Variants in NVL observed in about 807,000 individuals in gnomAD.
The protein encoded by NVL is nuclear valosin-containing protein-like.
In NVL, 84 loss-of-function variants were observed where a neutral mutation model predicts 110.2. The observed-to-expected ratio is 0.76, with a 90% CI of 0.64 to 0.91. The LOEUF is 0.91. Among genes scored for constraint, NVL ranks in the 40% least tolerant of loss-of-function variants. The pLI, the probability that NVL is intolerant of heterozygous loss-of-function variation, is 0.00. For missense variants in NVL, 882 were observed against 1,035.9 expected (o/e 0.85, Z 2.04); for synonymous variants, 354 against 361.1 (o/e 0.98, Z 0.22).
chr1:224,280,714 G>T (rs1459288661), intron 16 of NVL, among the ~76,000 whole-genome samples: 1 of 152,102 alleles, frequency 6.6e-6, no homozygotes, highest in Non-Finnish European at 1.5e-5. Flanking sequence ...TAAATTCAAA[G>T]TGTCTTAAAT....
At chr1:224,287,744 G>A in intron 14 of NVL, 31 bp downstream of exon 14, 1 of 1,572,310 alleles carries the variant, frequency 6.4e-7, no homozygotes. Flanking sequence ...TCCATGACAT[G>A]CCAATAATAT....
rs931102981 is a variant in NVL at position 224,278,226 on chromosome 1, C to CTTT, written c.1963-2771_1963-2769dup. Reference sequence around the variant, plus strand: ...CATCTTCCTCATTAGATCATCTAATCTTTTTTTTTTTTTTTTTTTTTTTGA... The same window carrying CTTT: ...CATCTTCCTCATTAGATCATCTAATCTTTTTTTTTTTTTTTTTTTTTTTTTTGA... On this transcript the variant is annotated intron_variant, in intron 16 of 22. Transcript: ENST00000281701. 3.7e-3 allele frequency among the ~76,000 whole-genome samples: 414 copies of CTTT among 111,110 alleles called. 2 individuals are homozygous for CTTT. Among genetic ancestry groups the CTTT allele is most frequent in the African/African-American group, 6.4e-3 (173 of 27,104 alleles). The allele number at this position is 111,110 out of a possible 152,430, so 72.9% of individuals were successfully genotyped here. A position where few individuals can be genotyped will look rare whatever the true frequency, so the allele number is the denominator to read the frequency against.
chr1:224,295,341 C>T (rs936511763), intron 11 of NVL, among the ~76,000 whole-genome samples: 10 of 152,012 alleles, frequency 6.6e-5, no homozygotes, highest in African/African-American at 1.2e-4. Context: ...TACAGGCGCC[C>T]GCCACCACGC....
rs368318890 is a variant in NVL at position 224,281,228 on chromosome 1, A to G, written c.1900-43T>C. ...AAAGACACAAATAAGACCAATACAC[A>G]GTAATAATAACAATAATAATGATGA... On this transcript the variant is annotated intron_variant, in intron 15 of 22. Coordinates refer to ENST00000281701, the MANE Select transcript of NVL (RefSeq NM_002533.4). 5 of 1,449,012 alleles carry G rather than the reference A, an allele frequency of 3.5e-6. No homozygotes were observed. The African/African-American group carries it at 4.2e-5, about 12-fold the overall frequency. The allele number at this position is 1,449,012 out of a possible 1,614,324, so 89.8% of individuals were successfully genotyped here.
intron 18 of NVL, among the ~76,000 whole-genome samples, chr1:224,253,482 C>T (rs1662753007): frequency 6.6e-6 from 1 of 151,548 alleles, no homozygotes; most frequent in South Asian, 2.1e-4. Flanking sequence ...CGCCTGTAAT[C>T]CCAGCACTTT....
intron 19 of NVL, among the ~76,000 whole-genome samples, chr1:224,237,729 A>G (rs1475080447): frequency 2.6e-5 from 1 of 38,616 alleles, no homozygotes; most frequent in African/African-American, 6.4e-5. Flanking sequence ...ATGCCTGGCT[A>G]CTTTTTTTTT....
At chr1:224,304,644 C>A (rs1030963208) in intron 8 of NVL, 92 bp downstream of exon 8, 10 of 1,121,766 alleles carry the variant, frequency 8.9e-6, no homozygotes, top group Non-Finnish European at 1.2e-5. Context: ...TTTTCTACAC[C>A]CAGATCATAT....
intron 8 of NVL, among the ~76,000 whole-genome samples, chr1:224,304,533 A>G (rs552089613): frequency 1.3e-5 from 2 of 152,244 alleles, no homozygotes; most frequent in South Asian, 4.1e-4. Context: ...TATATACTAT[A>G]ATTAAAATAA....
intron 12 of NVL, among the ~76,000 whole-genome samples, chr1:224,293,374 C>T (rs775163056): frequency 2.6e-5 from 4 of 152,150 alleles, no homozygotes; most frequent in Admixed American, 1.3e-4. Context: ...TGGCCCAGAA[C>T]ATTTCTTAAC....
intron 2 of NVL, among the ~76,000 whole-genome samples, chr1:224,324,734 T>C (rs934182380): frequency 6.6e-6 from 1 of 152,170 alleles, no homozygotes; most frequent in African/African-American, 2.4e-5. Flanking sequence ...CTGATTTAGA[T>C]GATATTGAGA....
intron 10 of NVL, chr1:224,298,411 A>G (rs1323002281): frequency 1.8e-5 from 3 of 166,778 alleles, no homozygotes; most frequent in Non-Finnish European, 3.9e-5. Context: ...GCGAGAATCA[A>G]CGTGCATATT....
rs187380973 is a variant in NVL, at chr1:224,256,817, C to T, written c.2183-6499G>A. Among the ~76,000 whole-genome samples, 549 of 152,184 alleles carry T rather than the reference C, an allele frequency of 3.6e-3. 7 individuals are homozygous for T. The highest frequency in any genetic ancestry group is 0.012 in the African/African-American group (518 of 41,534). Reference sequence around the variant, plus strand: ...CTTAGTTAATGTGAACTCATTCTCCCGGTTTTTCAGGCCCAGACCTTGGAG... The same window carrying T: ...CTTAGTTAATGTGAACTCATTCTCCTGGTTTTTCAGGCCCAGACCTTGGAG... On this transcript the variant is annotated intron_variant, in intron 18 of 22. Transcript: ENST00000281701.
At chr1:224,279,861 A>AT (rs1325107768) in intron 16 of NVL, among the ~76,000 whole-genome samples, 3 of 152,070 alleles carry the variant, frequency 2.0e-5, no homozygotes, top group Non-Finnish European at 4.4e-5. Flanking sequence ...TACATTAAAA[A>AT]TTTTTTTGGT....
chr1:224,245,122 A>C (rs1371588482), intron 19 of NVL, among the ~76,000 whole-genome samples: 1 of 152,254 alleles, frequency 6.6e-6, no homozygotes, highest in Non-Finnish European at 1.5e-5. Flanking sequence ...AGATGTTAAT[A>C]GGAGAAAGAG....
rs370635242 is a variant in NVL at position 224,276,404 on chromosome 1, A to C, written c.1963-946T>G. ...GGCATACCACCACTACCACCTGGCT[A>C]ATTTTTGTATTTTTAGTAGAGATGG... On this transcript the variant is annotated intron_variant, in intron 16 of 22. Transcript: ENST00000281701. Among the ~76,000 whole-genome samples, 52 of 152,098 alleles carry C rather than the reference A, an allele frequency of 3.4e-4. 1 individual carries two copies. The South Asian group carries it at 0.01, about 30-fold the overall frequency.
At chr1:224,281,284 CGT>C (rs34156240) in intron 15 of NVL, 99 bp from the exon 16 acceptor site, 16,558 of 549,790 alleles carry the variant, frequency 0.03, 1,269 homozygotes, top group African/African-American at 0.23. Context: ...ACTCTGTGTG[CGT>C]GTGTGTGTGT....
intron 22 of NVL, among the ~76,000 whole-genome samples, chr1:224,230,186 T>G (rs1009876433): frequency 1.3e-5 from 2 of 152,198 alleles, no homozygotes; most frequent in African/African-American, 4.8e-5. Flanking sequence ...TGTTTTTATT[T>G]CCCTGAAATG....
At chr1:224,243,957 C>G (rs902862704) in intron 19 of NVL, among the ~76,000 whole-genome samples, 1 of 151,896 alleles carries the variant, frequency 6.6e-6, no homozygotes, top group African/African-American at 2.4e-5. Flanking sequence ...CCACACCCGG[C>G]CTTGTCACTC....
intron 16 of NVL, among the ~76,000 whole-genome samples, chr1:224,278,833 C>G (rs538217170): frequency 3.9e-5 from 6 of 151,918 alleles, no homozygotes; most frequent in Non-Finnish European, 7.4e-5. Context: ...CTCAGGCTCA[C>G]GTGATCCTCC....
Sources: gnomAD v4.1 joint callset for allele counts (sites outside exome capture counted in the v4.1 genomes callset) on GRCh38, gnomAD v4.1.1 for gene constraint, MANE v1.5 for transcripts, NCBI Gene and HGNC (gene_info 2026-07-23, HGNC 2026-07-21) for gene names.